CASK: variants seen among roughly 807,000 people sequenced by gnomAD.
CASK encodes the protein calcium/calmodulin dependent serine protein kinase, also known as peripheral plasma membrane protein CASK.
CASK carries 4 observed loss-of-function variants against 82.9 expected under a neutral mutation model. The ratio of observed to expected loss-of-function variants is 0.05; its 90% CI spans 0.02 to 0.11. CASK has a LOEUF of 0.11. Ranked by LOEUF, CASK falls within the 10% of genes least tolerant of loss-of-function variation. CASK has a pLI of 1.00. For missense variants in CASK, 358 were observed against 720.9 expected (o/e 0.50, Z 5.76); for synonymous variants, 259 against 253.5 (o/e 1.02, Z -0.20).
chrX:41,772,843 T>C (rs2069271626), intron 3 of CASK, among the ~76,000 whole-genome samples: 1 of 110,096 alleles, frequency 9.1e-6, no homozygotes, highest in Non-Finnish European at 1.9e-5. Context: ...CTACTAAAAA[T>C]ACAAAAAATT....
intron 15 of CASK, among the ~76,000 whole-genome samples, chrX:41,576,060 C>T (rs1352272922): frequency 4.6e-5 from 5 of 109,214 alleles, no homozygotes; most frequent in South Asian, 4.1e-4. Context: ...CTGCAACCTC[C>T]GCCTCCCGGG....
chrX:41,631,147 CTAGA>C (rs1244148618), intron 9 of CASK, among the ~76,000 whole-genome samples: 2 of 111,576 alleles, frequency 1.8e-5, no homozygotes, highest in Non-Finnish European at 3.8e-5. Context: ...TGTAAGTGTA[CTAGA>C]TATAGTTATA....
At chrX:41,547,546 A>C (rs1308495688) in intron 21 of CASK, among the ~76,000 whole-genome samples, 1 of 111,303 alleles carries the variant, frequency 9.0e-6, no homozygotes, top group Non-Finnish European at 1.9e-5. Context: ...ATGGTGTTGC[A>C]AGTGGTGTTA....
chrX:41,651,754 T>C lies in CASK; in HGVS notation c.831+8685A>G, dbSNP rs10521422. ...TTTTGCATAATCTGAGGAAGTAGCA[T>C]GGTATAATACAACGAACATTCATTC... On this transcript the variant is annotated intron_variant, in intron 8 of 26. Transcript: ENST00000378163. 1.9e-3 allele frequency among the ~76,000 whole-genome samples: 211 copies of C among 111,850 alleles called. 3 individuals are homozygous for C. Among genetic ancestry groups the C allele is most frequent in the Admixed American group, 0.017 (177 of 10,511 alleles).
At chrX:41,624,682 T>C (rs2066336814) in intron 10 of CASK, among the ~76,000 whole-genome samples, 1 of 111,630 alleles carries the variant, frequency 9.0e-6, no homozygotes, top group Non-Finnish European at 1.9e-5. Flanking sequence ...ACATACTAAT[T>C]GGTAAGAAAT....
intron 2 of CASK, among the ~76,000 whole-genome samples, chrX:41,837,611 A>AT (rs1281237774): frequency 4.5e-5 from 5 of 112,216 alleles, no homozygotes; most frequent in Non-Finnish European, 9.4e-5. Context: ...CAATTAAGAG[A>AT]TTTTTTTAAC....
chrX:41,828,928 G>T (rs1055023846), intron 2 of CASK, among the ~76,000 whole-genome samples: 2 of 112,023 alleles, frequency 1.8e-5, no homozygotes, highest in East Asian at 2.8e-4. Flanking sequence ...TAGATTTAAA[G>T]ATATCTATGT....
At chrX:41,587,231 A>G (rs908585632) in intron 13 of CASK, 1 of 282,195 alleles carries the variant, frequency 3.5e-6, no homozygotes, top group African/African-American at 2.7e-5. Context: ...AAAAATATAA[A>G]GCAAAATGAC....
intron 12 of CASK, among the ~76,000 whole-genome samples, chrX:41,592,579 G>A (rs946755756): frequency 9.0e-6 from 1 of 110,886 alleles, no homozygotes; most frequent in Non-Finnish European, 1.9e-5. Flanking sequence ...TAGTACTTAT[G>A]GAACATAGAT....
chrX:41,530,267 G>C (rs1485758642), intron 25 of CASK, among the ~76,000 whole-genome samples: 1 of 111,570 alleles, frequency 9.0e-6, no homozygotes, highest in Non-Finnish European at 1.9e-5. Context: ...TGTACTCAGA[G>C]ATGAAAAAAC....
At chrX:41,548,112 T>C (rs1246323957) in intron 21 of CASK, among the ~76,000 whole-genome samples, 1 of 112,072 alleles carries the variant, frequency 8.9e-6, no homozygotes, top group Non-Finnish European at 1.9e-5. Context: ...TCATAGTTTA[T>C]GAGACTTTTA....
At chrX:41,792,545 C>G (rs1044124693) in intron 2 of CASK, among the ~76,000 whole-genome samples, 4 of 110,908 alleles carry the variant, frequency 3.6e-5, no homozygotes, top group African/African-American at 1.3e-4. Flanking sequence ...CTGCCTTGGA[C>G]TTCCAAAGTG....
At chrX:41,763,192 C>T (rs188835320) in intron 3 of CASK, among the ~76,000 whole-genome samples, 9 of 111,093 alleles carry the variant, frequency 8.1e-5, no homozygotes, top group Non-Finnish European at 1.7e-4. Context: ...ATTTTGGAAA[C>T]TGGGGTGCCC....
At chrX:41,754,274 G>A (rs1376747656) in intron 3 of CASK, among the ~76,000 whole-genome samples, 2 of 110,221 alleles carry the variant, frequency 1.8e-5, no homozygotes, top group Admixed American at 9.7e-5. Context: ...GCATGGAGGG[G>A]CCTGTTGTCT....
intron 8 of CASK, among the ~76,000 whole-genome samples, chrX:41,659,809 G>C: frequency 9.1e-6 from 1 of 109,835 alleles, no homozygotes; most frequent in Admixed American, 9.7e-5. Flanking sequence ...GACAAGCCTG[G>C]GCGACATGGT....
chrX:41,866,512 C>T (rs759806089), intron 1 of CASK, among the ~76,000 whole-genome samples: 1 of 112,135 alleles, frequency 8.9e-6, no homozygotes, highest in Non-Finnish European at 1.9e-5. Context: ...TTCAGAATCC[C>T]TTTATTGCTG....
In CASK at chrX:41,639,044, C is replaced by T. The variant is rs549224416; in HGVS notation, c.832-2383G>A. Among the ~76,000 whole-genome samples, 6 of 107,036 alleles carry T rather than the reference C, an allele frequency of 5.6e-5. No individual in the cohort carries two copies. The South Asian group carries it at 2.6e-3, about 46-fold the overall frequency. The allele number at this position is 107,036 out of a possible 115,157, so 92.9% of individuals were successfully genotyped here. A position where few individuals can be genotyped will look rare whatever the true frequency, so the allele number is the denominator to read the frequency against. ...CAAGATATCCAAGCCAGAGCAATTA[C>T]AGAACTAATAGGTAAATTTTCAACC... On this transcript the variant is annotated intron_variant, in intron 8 of 26. Coordinates refer to ENST00000378163, the MANE Select transcript of CASK (RefSeq NM_001367721.1).
intron 1 of CASK, among the ~76,000 whole-genome samples, chrX:41,861,246 TTGTGTGCG>T (rs1177825000): frequency 9.0e-6 from 1 of 110,917 alleles, no homozygotes. Context: ...GTGTGTGTGT[TTGTGTGCG>T]TGTGTGCGTG....
chrX:41,537,092 G>C (rs12012278), intron 22 of CASK, among the ~76,000 whole-genome samples: 17,060 of 111,188 alleles, frequency 0.15, 1,009 homozygotes, highest in Middle Eastern at 0.18. Flanking sequence ...AGCCCTAACT[G>C]TGATCCTACC....
Sources: gnomAD v4.1 joint callset for allele counts (sites outside exome capture counted in the v4.1 genomes callset) on GRCh38, gnomAD v4.1.1 for gene constraint, MANE v1.5 for transcripts, NCBI Gene and HGNC (gene_info 2026-07-23, HGNC 2026-07-21) for gene names.